ST8SIA1: variants seen among roughly 807,000 people sequenced by gnomAD.
The protein encoded by ST8SIA1 is ST8 alpha-N-acetyl-neuraminide alpha-2,8-sialyltransferase 1.
Under a neutral mutation model 35.9 loss-of-function variants are expected in ST8SIA1, and 16 were observed. The ratio of observed to expected loss-of-function variants is 0.45; its 90% CI spans 0.30 to 0.68. The LOEUF (loss-of-function observed/expected upper bound fraction) is 0.68. Ranked by LOEUF, ST8SIA1 falls within the 30% of genes least tolerant of loss-of-function variation. ST8SIA1 has a pLI of 0.09. For synonymous variants in ST8SIA1, 170 were observed against 169.6 expected (o/e 1.00, Z -0.02); for missense variants, 383 against 453.6 (o/e 0.84, Z 1.41).
At chr12:22,284,015 A>G (rs73084978) in intron 2 of ST8SIA1, among the ~76,000 whole-genome samples, 8,269 of 152,228 alleles carry the variant, frequency 0.054, 366 homozygotes, top group South Asian at 0.17. Context: ...AATAGCATAG[A>G]ACTAACTAAC....
intron 4 of ST8SIA1, among the ~76,000 whole-genome samples, chr12:22,244,193 A>G (rs1373232691): frequency 6.6e-6 from 1 of 152,188 alleles, no homozygotes; most frequent in Non-Finnish European, 1.5e-5. Context: ...ATCACTTAGC[A>G]TACTCTTTTC....
chr12:22,227,914 GTTAGGGAGTCATACGCAGAAT>G (rs1443165668), intron 4 of ST8SIA1, among the ~76,000 whole-genome samples: 1 of 152,180 alleles, frequency 6.6e-6, no homozygotes, highest in African/African-American at 2.4e-5. Context: ...TCTGATGATG[GTTAGGGAGTCATACGCAGAAT>G]TTAATTCTTC....
rs188771980 is a variant in ST8SIA1 at position 22,323,977 on chromosome 12, C to A, written c.236+10020G>T. Among the ~76,000 whole-genome samples, 171 of 151,560 alleles carry A rather than the reference C, an allele frequency of 1.1e-3. 1 individual carries two copies. The highest frequency in any genetic ancestry group is 4.7e-4 in the Non-Finnish European group (32 of 67,914). ...CATGTTTACCTGTGAAACAAACCTG[C>A]ATATACTGCACATGTACCCCTGAAC... On this transcript the variant is annotated intron_variant, in intron 1 of 4. Coordinates refer to ENST00000396037, the MANE Select transcript of ST8SIA1 (RefSeq NM_003034.4).
chr12:22,277,667 G>A (rs1001853161), intron 2 of ST8SIA1, among the ~76,000 whole-genome samples: 11 of 152,084 alleles, frequency 7.2e-5, no homozygotes, highest in African/African-American at 2.7e-4. Context: ...GCGCCTGTCT[G>A]TGAAACTTTT....
At chr12:22,316,243 T>C (rs1866518679) in intron 1 of ST8SIA1, among the ~76,000 whole-genome samples, 1 of 152,120 alleles carries the variant, frequency 6.6e-6, no homozygotes, top group Admixed American at 6.6e-5. Flanking sequence ...GAAACAGTGA[T>C]TGGCCCAGCA....
chr12:22,262,984 G>T (rs1369899270), intron 2 of ST8SIA1, among the ~76,000 whole-genome samples: 2 of 152,042 alleles, frequency 1.3e-5, no homozygotes, highest in Non-Finnish European at 2.9e-5. Context: ...GATTCTTTTT[G>T]AATCTAAAAA....
intron 4 of ST8SIA1, among the ~76,000 whole-genome samples, chr12:22,226,602 C>T (rs1865361272): frequency 6.6e-6 from 1 of 151,758 alleles, no homozygotes; most frequent in Non-Finnish European, 1.5e-5. Context: ...ATCTCCTTTC[C>T]CTTTCCTTCA....
intron 2 of ST8SIA1, among the ~76,000 whole-genome samples, chr12:22,264,961 A>G (rs1307875014): frequency 1.3e-5 from 2 of 152,260 alleles, no homozygotes; most frequent in East Asian, 1.9e-4. Context: ...TTTCTTACTC[A>G]ATCCATTATA....
chr12:22,292,178 T>C (rs1866184883), intron 1 of ST8SIA1, among the ~76,000 whole-genome samples: 1 of 152,050 alleles, frequency 6.6e-6, no homozygotes, highest in Admixed American at 6.5e-5. Flanking sequence ...GAACTGAAAG[T>C]TAAATGTTAA....
chr12:22,316,585 C>CTTT (rs1866522625), intron 1 of ST8SIA1, among the ~76,000 whole-genome samples: 1 of 151,602 alleles, frequency 6.6e-6, no homozygotes, highest in Non-Finnish European at 1.5e-5. Context: ...GGCTCAAAAG[C>CTTT]TATAAAAGAA....
At chr12:22,320,615 C>T (rs1313273423) in intron 1 of ST8SIA1, among the ~76,000 whole-genome samples, 5 of 152,004 alleles carry the variant, frequency 3.3e-5, no homozygotes, top group African/African-American at 4.8e-5. Context: ...GAGGCCGAGG[C>T]GGGAGGATCG....
At chr12:22,325,935 G>T in intron 1 of ST8SIA1, 1 of 681,208 alleles carries the variant, frequency 1.5e-6, no homozygotes, top group South Asian at 1.6e-5. Flanking sequence ...TGGAGACGCT[G>T]AACAAAGGGA....
chr12:22,257,683 G>A (rs748815794), intron 2 of ST8SIA1, among the ~76,000 whole-genome samples: 8 of 151,992 alleles, frequency 5.3e-5, no homozygotes, highest in Non-Finnish European at 8.8e-5. Context: ...GGGGAGCAAA[G>A]AGCCTGTTGT....
At position 22,255,391 on chromosome 12, in the gene ST8SIA1, T is replaced by A; in HGVS notation, c.382-2A>T. 6.2e-7 allele frequency: 1 copy of A among 1,613,572 alleles called. No individual in the cohort carries two copies. The highest frequency in any genetic ancestry group is 8.5e-7 in the Non-Finnish European group (1 of 1,179,488). ...CAATGGCAGCTGGAATGGGGTTGCC[T>A]AGCAACAGAAAACAAGGCGGGTTTT... On this transcript the variant is annotated splice_acceptor_variant, in intron 2 of 4. Transcript: ENST00000396037. LOFTEE classifies it high-confidence loss of function.
At chr12:22,330,167 T>G (rs770444397) in intron 1 of ST8SIA1, among the ~76,000 whole-genome samples, 1 of 152,180 alleles carries the variant, frequency 6.6e-6, no homozygotes, top group African/African-American at 2.4e-5. Flanking sequence ...TATGCCACCC[T>G]ACCATCCTTG....
intron 1 of ST8SIA1, among the ~76,000 whole-genome samples, chr12:22,297,886 T>A (rs889049470): frequency 1.3e-5 from 2 of 152,130 alleles, no homozygotes; most frequent in African/African-American, 4.8e-5. Context: ...GGATGGGGGC[T>A]GATCATTTAA....
At chr12:22,328,437 A>G (rs559571626) in intron 1 of ST8SIA1, among the ~76,000 whole-genome samples, 1 of 152,224 alleles carries the variant, frequency 6.6e-6, no homozygotes, top group African/African-American at 2.4e-5. Flanking sequence ...AGGCAAGTGC[A>G]CTCATATTTT....
At chr12:22,303,392 G>C (rs1866340710) in intron 1 of ST8SIA1, among the ~76,000 whole-genome samples, 1 of 152,112 alleles carries the variant, frequency 6.6e-6, no homozygotes, top group Admixed American at 6.5e-5. Context: ...GCAATGGAAG[G>C]CAGAGGTAAC....
At chr12:22,251,451 T>G (rs1865668678) in intron 3 of ST8SIA1, among the ~76,000 whole-genome samples, 1 of 152,232 alleles carries the variant, frequency 6.6e-6, no homozygotes, top group African/African-American at 2.4e-5. Context: ...ATATGAATTT[T>G]GATGTATTTC....
Sources: allele counts gnomAD v4.1 joint callset (sites outside exome capture counted in the v4.1 genomes callset), GRCh38; gene constraint gnomAD v4.1.1; transcripts MANE v1.5; gene names NCBI Gene and HGNC (gene_info 2026-07-23, HGNC 2026-07-21).